RAB8B: variants seen among roughly 807,000 people sequenced by gnomAD.
RAB8B encodes the protein RAB8B, member RAS oncogene family, also known as ras-related protein Rab-8B.
RAB8B carries 11 observed loss-of-function variants against 32.0 expected under a neutral mutation model. That is an observed-to-expected ratio of 0.34 (90% CI 0.22 to 0.57). The LOEUF (loss-of-function observed/expected upper bound fraction) is 0.57. RAB8B is among the 20% of genes least tolerant of loss of function. RAB8B has a pLI of 0.86. For missense variants in RAB8B, 190 were observed against 258.5 expected (o/e 0.73, Z 1.82); for synonymous variants, 103 against 89.6 (o/e 1.15, Z -0.85).
At chr15:63,219,855 T>A (rs8030774) in intron 1 of RAB8B, among the ~76,000 whole-genome samples, 143,016 of 152,266 alleles carry the variant, frequency 0.94, 67,386 homozygotes, top group East Asian at 1. Context: ...TGAGAGGGTC[T>A]CTTGGGTAAT....
chr15:63,211,205 C>A (rs1314949142), intron 1 of RAB8B, among the ~76,000 whole-genome samples: 1 of 152,216 alleles, frequency 6.6e-6, no homozygotes, highest in South Asian at 2.1e-4. Context: ...TTTGGCCTAA[C>A]TTTTCTTTAT....
At chr15:63,233,576 A>G (rs1344732375) in intron 1 of RAB8B, among the ~76,000 whole-genome samples, 1 of 152,226 alleles carries the variant, frequency 6.6e-6, no homozygotes, top group East Asian at 1.9e-4. Context: ...CATAAGCAAA[A>G]TTTGATTGTC....
Position 63,267,058 on chromosome 15 carries a change from G to C in RAB8B, c.*3439G>C, listed in dbSNP as rs768377319. ...ATTCCTTTTTCCTTGTTACATCCAA[G>C]GGGGGCACAGGGGTGGGTGGAAAGG... On this transcript the variant is annotated 3_prime_UTR_variant, in exon 8 of 8. Transcript: ENST00000321437. 2.6e-5 allele frequency: 4 copies of C among 152,300 alleles called. No homozygotes were observed. Among genetic ancestry groups the C allele is most frequent in the Admixed American group, 6.6e-5 (1 of 15,250 alleles). 9.4% of individuals were successfully genotyped at this position (152,300 alleles called of 1,614,324 possible). A position where few individuals can be genotyped will look rare whatever the true frequency, so the allele number is the denominator to read the frequency against.
chr15:63,266,612 C>T lies in RAB8B; in HGVS notation c.*2993C>T, dbSNP rs545150930. The T allele has an allele frequency of 1.4e-4, 21 of 152,578 alleles. No homozygotes were observed. The East Asian group carries it at 4.0e-3, about 29-fold the overall frequency. The allele number at this position is 152,578 out of a possible 1,614,324, so 9.5% of individuals were successfully genotyped here. A position where few individuals can be genotyped will look rare whatever the true frequency, so the allele number is the denominator to read the frequency against. On this transcript the variant is annotated 3_prime_UTR_variant, in exon 8 of 8. Transcript: ENST00000321437. ...TTAAGCATCTAACAAAATTTAGACT[C>T]TTTGTTTTGTTTTGAACTGAAGACA...
At chr15:63,256,412 T>C (rs532936113) in intron 4 of RAB8B, 93 bp from the exon 5 acceptor site, 413 of 880,582 alleles carry the variant, frequency 4.7e-4, no homozygotes, top group Non-Finnish European at 5.9e-4. Flanking sequence ...TTATGTCTTA[T>C]TAAATTCATG....
chr15:63,192,145 A>G (rs1461386132), intron 1 of RAB8B, among the ~76,000 whole-genome samples: 1 of 152,198 alleles, frequency 6.6e-6, no homozygotes, highest in African/African-American at 2.4e-5. Context: ...CATACCTCTT[A>G]TTTAGCCCCA....
At chr15:63,216,932 G>C (rs1248013432) in intron 1 of RAB8B, among the ~76,000 whole-genome samples, 1 of 151,862 alleles carries the variant, frequency 6.6e-6, no homozygotes, top group South Asian at 2.1e-4. Flanking sequence ...TATCAGTGCA[G>C]TAGTCTCTGT....
intron 2 of RAB8B, among the ~76,000 whole-genome samples, chr15:63,249,365 C>T (rs560607067): frequency 3.3e-5 from 5 of 152,220 alleles, no homozygotes; most frequent in African/African-American, 7.2e-5. Context: ...TAATATAACA[C>T]ACCAGTTCCT....
Position 63,253,310 on chromosome 15 carries a change from G to A in RAB8B, c.247-2197G>A, listed in dbSNP as rs185912049. ...TAACGTTTTATTTCATGTATTCTTT[G>A]TCTATGTGTATATGTGTGTTTTATA... is the stretch of plus-strand genomic sequence containing the variant. On this transcript the variant is annotated intron_variant, in intron 3 of 7. Coordinates refer to ENST00000321437, the MANE Select transcript of RAB8B (RefSeq NM_016530.3). Among the ~76,000 whole-genome samples, 5 of 152,146 alleles carry A rather than the reference G, an allele frequency of 3.3e-5. No individual in the cohort carries two copies. The East Asian group carries it at 9.6e-4, about 29-fold the overall frequency.
At chr15:63,224,876 ACAGAATCCTCAT>A (rs1381960880) in intron 1 of RAB8B, among the ~76,000 whole-genome samples, 7 of 152,216 alleles carry the variant, frequency 4.6e-5, no homozygotes, top group African/African-American at 1.7e-4. Flanking sequence ...CACTTGAGAC[ACAGAATCCTCAT>A]CTTTAGCCCA....
intron 1 of RAB8B, among the ~76,000 whole-genome samples, chr15:63,229,765 A>G (rs2037919369): frequency 7.6e-6 from 1 of 131,998 alleles, no homozygotes; most frequent in African/African-American, 2.8e-5. Context: ...TAGGTGACAG[A>G]GCAAGACGCT....
chr15:63,257,707 G>GA (rs1249358382), intron 5 of RAB8B, among the ~76,000 whole-genome samples: 4 of 152,052 alleles, frequency 2.6e-5, no homozygotes, highest in Non-Finnish European at 4.4e-5. Context: ...TCAATCAATA[G>GA]AAATCAAAGC....
intron 1 of RAB8B, among the ~76,000 whole-genome samples, chr15:63,236,047 C>T (rs2037977055): frequency 1.3e-5 from 2 of 152,130 alleles, no homozygotes; most frequent in Admixed American, 6.5e-5. Context: ...TATTGGTCTT[C>T]GTGAATCTGC....
At chr15:63,244,656 G>C (rs1404313261) in intron 1 of RAB8B, 100 bp from the exon 2 acceptor site, 5 of 864,342 alleles carry the variant, frequency 5.8e-6, no homozygotes, top group Non-Finnish European at 9.3e-6. Flanking sequence ...ATTTTCCAGT[G>C]CGTTGGAGAG....
intron 1 of RAB8B, among the ~76,000 whole-genome samples, chr15:63,213,441 C>T (rs1294918305): frequency 2.6e-5 from 4 of 152,124 alleles, no homozygotes; most frequent in African/African-American, 7.2e-5. Context: ...TAAAGAATTT[C>T]TTGTTCAAGT....
intron 1 of RAB8B, 58 bp from the exon 2 acceptor site, chr15:63,244,698 A>G (rs1451636197): frequency 8.1e-6 from 11 of 1,360,778 alleles, no homozygotes; most frequent in Non-Finnish European, 1.1e-5. Context: ...TGTCCTCCTA[A>G]TGAGACTTGG....
In RAB8B at chr15:63,263,535, C is replaced by A. The variant is rs375228979; in HGVS notation, c.540C>A (p.Ser180Arg). The A allele has an allele frequency of 2.5e-6, 4 of 1,609,678 alleles. No individual in the cohort carries two copies. Among genetic ancestry groups the A allele is most frequent in the Non-Finnish European group, 3.4e-6 (4 of 1,176,156 alleles). Residue 180 changes from serine (S) to arginine (R), a missense_variant, in exon 8 of 8, where the codon AGC (serine) becomes AGA (arginine). Ser to Arg is a moderately radical substitution (Grantham distance 110). Around this residue, in one of 2 missense-constraint regions of RAB8B, gnomAD observed 110 missense variants for 115.9 expected, o/e 0.95. Transcript: ENST00000321437. Reference protein sequence around the residue: ...MTKLNRKMNDSNSAGAGGPVK... With the variant: ...MTKLNRKMNDRNSAGAGGPVK... ...CATCTTCTATTTTTTAGAATGACAG[C>A]AATTCAGCAGGAGCAGGTGGACCAG... is the stretch of plus-strand genomic sequence containing the variant.
chr15:63,262,308 A>G (rs907761098), intron 6 of RAB8B, among the ~76,000 whole-genome samples: 5 of 152,156 alleles, frequency 3.3e-5, no homozygotes, highest in African/African-American at 1.2e-4. Flanking sequence ...TCACATGAAG[A>G]AAATATTTGA....
At chr15:63,199,605 C>T (rs1394017630) in intron 1 of RAB8B, among the ~76,000 whole-genome samples, 3 of 152,042 alleles carry the variant, frequency 2.0e-5, no homozygotes, top group Non-Finnish European at 4.4e-5. Context: ...TATATAATAT[C>T]ATCAGAGTTA....
Sources: allele counts gnomAD v4.1 joint callset (sites outside exome capture counted in the v4.1 genomes callset), GRCh38; gene constraint gnomAD v4.1.1; regional missense constraint gnomAD v4.1.1; transcripts MANE v1.5; gene names NCBI Gene and HGNC (gene_info 2026-07-23, HGNC 2026-07-21).